Variants in CDH23 observed in about 807,000 individuals in gnomAD.
The protein encoded by CDH23 is cadherin related 23, also known as cadherin-23.
A neutral mutation model predicts 317.1 loss-of-function variants in CDH23; 189 were observed. The observed-to-expected ratio is 0.60, with a 90% CI of 0.53 to 0.67. The LOEUF is 0.67. Among genes scored for constraint, CDH23 ranks in the 30% least tolerant of loss-of-function variants. The probability of loss-of-function intolerance (pLI) is 0.00; values close to 1 mark genes in which losing one functional copy is unlikely to be tolerated. For missense variants in CDH23, 4,401 were observed against 4,592.4 expected (o/e 0.96, Z 1.20); for synonymous variants, 1,839 against 1,876.8 (o/e 0.98, Z 0.52).
chr10:71,614,925 A>G (rs1039832406), intron 9 of CDH23, among the ~76,000 whole-genome samples: 6 of 152,224 alleles, frequency 3.9e-5, no homozygotes, highest in Admixed American at 2.0e-4. Flanking sequence ...ACTTTAATAC[A>G]TATCTTAAAT....
chr10:71,500,962 T>G (rs775540702), intron 3 of CDH23, among the ~76,000 whole-genome samples: 1 of 152,014 alleles, frequency 6.6e-6, no homozygotes, highest in Non-Finnish European at 1.5e-5. Flanking sequence ...CTCTGCCTCC[T>G]GGGCTCTAGC....
intron 1 of CDH23, among the ~76,000 whole-genome samples, chr10:71,416,993 AT>A (rs1195345289): frequency 1.5e-5 from 2 of 136,654 alleles, no homozygotes; most frequent in African/African-American, 5.4e-5. Flanking sequence ...GCTCCTTTAA[AT>A]TTTTTTTCTT....
chr10:71,809,167 CTTTTT>C (rs61078259), intron 60 of CDH23, among the ~76,000 whole-genome samples: 9 of 68,842 alleles, frequency 1.3e-4, no homozygotes, highest in South Asian at 5.7e-4. Context: ...TTTCTTTTTC[CTTTTT>C]TTTTTTTTTT....
At position 71,645,027 on chromosome 10, in the gene CDH23, T is replaced by C. The variant is rs551550884; in HGVS notation, c.1141-804T>C. Reference sequence around the variant, plus strand: ...TCAGCCATGTCTCCTCCCCATGATCTGGAGACTTCAGTCACATCACATGCT... The same window carrying C: ...TCAGCCATGTCTCCTCCCCATGATCCGGAGACTTCAGTCACATCACATGCT... On this transcript the variant is annotated intron_variant, in intron 12 of 69. Coordinates refer to ENST00000224721, the MANE Select transcript of CDH23 (RefSeq NM_022124.6). 6.6e-5 allele frequency among the ~76,000 whole-genome samples: 10 copies of C among 152,342 alleles called. No individual in the cohort carries two copies. In the South Asian group the frequency reaches 1.9e-3, roughly 28 times the overall value.
intron 3 of CDH23, among the ~76,000 whole-genome samples, chr10:71,481,848 G>A (rs780752417): frequency 1.3e-5 from 2 of 152,198 alleles, no homozygotes; most frequent in African/African-American, 2.4e-5. Context: ...GTCTCGCACT[G>A]TGTGGGGTCC....
chr10:71,455,291 A>C (rs1250280701), intron 3 of CDH23, among the ~76,000 whole-genome samples: 3 of 152,158 alleles, frequency 2.0e-5, no homozygotes, highest in Non-Finnish European at 4.4e-5. Context: ...AAACCAGAAA[A>C]ATGACTTTGA....
intron 35 of CDH23, among the ~76,000 whole-genome samples, chr10:71,739,010 G>A (rs548472835): frequency 2.1e-4 from 32 of 152,338 alleles, no homozygotes; most frequent in African/African-American, 6.3e-4. Flanking sequence ...GCTTGCTGTC[G>A]CTCCAGGTTT....
intron 11 of CDH23, 160 bp downstream of exon 11, chr10:71,617,553 T>C (rs1861258961): frequency 1.4e-6 from 2 of 1,475,302 alleles, no homozygotes; most frequent in East Asian, 2.5e-5. Flanking sequence ...AAAAAATCAC[T>C]AGTCTCTACT....
intron 1 of CDH23, among the ~76,000 whole-genome samples, chr10:71,435,359 CTG>C (rs1267194969): frequency 6.6e-6 from 1 of 152,228 alleles, no homozygotes; most frequent in Non-Finnish European, 1.5e-5. Flanking sequence ...CAGTGACAGT[CTG>C]TTTCACTTAT....
chr10:71,405,245 T>G (rs1371604399), intron 1 of CDH23, among the ~76,000 whole-genome samples: 1 of 152,054 alleles, frequency 6.6e-6, no homozygotes, highest in Non-Finnish European at 1.5e-5. Context: ...GCACCCCATG[T>G]TCCTTCTCCT....
chr10:71,600,451 C>T (rs559252397), intron 9 of CDH23, among the ~76,000 whole-genome samples: 1 of 151,956 alleles, frequency 6.6e-6, no homozygotes, highest in Non-Finnish European at 1.5e-5. Context: ...ACATTAAAGG[C>T]TCTGACAAGT....
At position 71,407,105 on chromosome 10, in the gene CDH23, C is replaced by A. The variant is rs190867056; in HGVS notation, c.-6+9787C>A. On this transcript the variant is annotated intron_variant, in intron 1 of 69. Coordinates refer to ENST00000224721, the MANE Select transcript of CDH23 (RefSeq NM_022124.6). The stretch of plus-strand genomic sequence containing the variant: ...TGCCCAAAGTCACATAGCTTGCAGG[C>A]GGTGAGGCAGATTTTTGCATGAAGG... 1.9e-3 allele frequency among the ~76,000 whole-genome samples: 288 copies of A among 152,290 alleles called. 1 individual carries two copies. The highest frequency in any genetic ancestry group is 6.8e-3 in the African/African-American group (281 of 41,550).
chr10:71,805,954 A>G lies in CDH23; in HGVS notation c.8021A>G (p.Gln2674Arg), dbSNP rs1841702428. Reference sequence around the variant, plus strand: ...ATCGACCCAATCAGCGGCCTCATCCAGACTGCTCAGCGCCTGGACCGCGAG... The same window carrying G: ...ATCGACCCAATCAGCGGCCTCATCCGGACTGCTCAGCGCCTGGACCGCGAG... ...FIIDPISGLI[Q>R]TAQRLDRESQ... is the part of the protein sequence containing the mutation. Residue 2674 changes from glutamine (Q) to arginine (R), a missense_variant, in exon 56 of 70, where the codon CAG (glutamine) becomes CGG (arginine). Coordinates refer to ENST00000224721, the MANE Select transcript of CDH23 (RefSeq NM_022124.6). 2 of 1,609,582 alleles carry G rather than the reference A, an allele frequency of 1.2e-6. No homozygotes were observed. The highest frequency in any genetic ancestry group is 1.7e-6 in the Non-Finnish European group (2 of 1,177,498).
At chr10:71,480,269 G>A (rs754059667) in intron 3 of CDH23, among the ~76,000 whole-genome samples, 5 of 152,336 alleles carry the variant, frequency 3.3e-5, no homozygotes, top group Admixed American at 2.0e-4. Context: ...AGTCTGCAGC[G>A]CGTCTGCCCA....
At chr10:71,695,621 TG>T (rs1318477303) in intron 22 of CDH23, 96 bp downstream of exon 22, 13 of 814,502 alleles carry the variant, frequency 1.6e-5, no homozygotes, top group Non-Finnish European at 2.5e-5. Context: ...CCTATGGGGC[TG>T]GTGGACTCTG....
rs1842116938 is a variant in CDH23 at position 71,815,801 on chromosome 10, T to A, written c.*523T>A. ...TGGCATCCCCACGTGGACAAGAAAG[T>A]CAATGTCAATGAACAAGCATTCTCT... On this transcript the variant is annotated 3_prime_UTR_variant, in exon 70 of 70. Coordinates refer to ENST00000224721, the MANE Select transcript of CDH23 (RefSeq NM_022124.6). 6.4e-6 allele frequency: 1 copy of A among 156,506 alleles called. No individual in the cohort carries two copies. Among genetic ancestry groups the A allele is most frequent in the African/African-American group, 2.4e-5 (1 of 41,506 alleles). 9.7% of individuals were successfully genotyped at this position (156,506 alleles called of 1,614,324 possible).
At chr10:71,703,173 T>C (rs900615488) in intron 24 of CDH23, among the ~76,000 whole-genome samples, 2 of 152,190 alleles carry the variant, frequency 1.3e-5, no homozygotes, top group Non-Finnish European at 2.9e-5. Flanking sequence ...GGTCTGATCT[T>C]GGGCCTGGCT....
chr10:71,773,259 G>A, intron 38 of CDH23: 1 of 1,358,276 alleles, frequency 7.4e-7, no homozygotes, highest in South Asian at 1.3e-5. Flanking sequence ...GGTCACACAG[G>A]CTGAGAGGGC....
At chr10:71,534,643 CTCATGTGATAG>C (rs1189700564) in intron 6 of CDH23, among the ~76,000 whole-genome samples, 13 of 152,234 alleles carry the variant, frequency 8.5e-5, no homozygotes, top group African/African-American at 3.1e-4. Context: ...AACAGTTAAA[CTCATGTGATAG>C]TCAGAGCCAC....
Sources: gnomAD v4.1 joint callset for allele counts (sites outside exome capture counted in the v4.1 genomes callset) on GRCh38, gnomAD v4.1.1 for gene constraint, MANE v1.5 for transcripts, NCBI Gene and HGNC (gene_info 2026-07-23, HGNC 2026-07-21) for gene names.